UBE2L3: variants seen among roughly 807,000 people sequenced by gnomAD.
UBE2L3 encodes ubiquitin-conjugating enzyme E2 L3.
Under a neutral mutation model 17.8 loss-of-function variants are expected in UBE2L3, and 1 was observed. That is an observed-to-expected ratio of 0.06 (90% CI 0.02 to 0.27). UBE2L3 has a LOEUF of 0.27. UBE2L3 is among the 10% of genes least tolerant of loss of function. The pLI, the probability that UBE2L3 is intolerant of heterozygous loss-of-function variation, is 1.00. For synonymous variants in UBE2L3, 44 were observed against 68.5 expected (o/e 0.64, Z 1.76); for missense variants, 40 against 192.6 (o/e 0.21, Z 4.69).
At chr22:21,586,451 G>T (rs1927939546) in intron 1 of UBE2L3, among the ~76,000 whole-genome samples, 1 of 151,952 alleles carries the variant, frequency 6.6e-6, no homozygotes, top group South Asian at 2.1e-4. Context: ...TGTATTTTTA[G>T]TAGAGATGAG....
intron 2 of UBE2L3, among the ~76,000 whole-genome samples, chr22:21,605,460 A>G (rs1929106674): frequency 6.6e-6 from 1 of 151,836 alleles, no homozygotes; most frequent in Admixed American, 6.6e-5. Context: ...CTCGTGATCC[A>G]CCTGCCTCGG....
At chr22:21,618,887 C>G (rs1356850902) in intron 3 of UBE2L3, among the ~76,000 whole-genome samples, 6 of 152,150 alleles carry the variant, frequency 3.9e-5, no homozygotes, top group African/African-American at 9.7e-5. Flanking sequence ...CCACCAACCT[C>G]TGCATTAGTT....
intron 2 of UBE2L3, among the ~76,000 whole-genome samples, chr22:21,602,048 G>A (rs1928896714): frequency 6.6e-6 from 1 of 152,036 alleles, no homozygotes; most frequent in African/African-American, 2.4e-5. Flanking sequence ...CTCTTAACAG[G>A]GGACTGGACT....
chr22:21,618,391 C>G (rs938823668), intron 3 of UBE2L3, among the ~76,000 whole-genome samples: 1 of 151,428 alleles, frequency 6.6e-6, no homozygotes, highest in African/African-American at 2.4e-5. Flanking sequence ...GGTGAAACCC[C>G]GTCTCTACTA....
intron 1 of UBE2L3, among the ~76,000 whole-genome samples, chr22:21,556,786 G>A (rs1406693520): frequency 1.4e-4 from 22 of 152,238 alleles, no homozygotes; most frequent in Admixed American, 1.3e-3. Context: ...TAGGCTGGGC[G>A]CAGTGGCCCA....
chr22:21,587,347 T>C (rs1266147846), intron 1 of UBE2L3, among the ~76,000 whole-genome samples: 1 of 152,078 alleles, frequency 6.6e-6, no homozygotes, highest in East Asian at 1.9e-4. Context: ...GGCGCCACCA[T>C]GTCCACCTAA....
intron 1 of UBE2L3, among the ~76,000 whole-genome samples, chr22:21,587,039 C>G (rs1174688041): frequency 6.6e-6 from 1 of 151,680 alleles, no homozygotes; most frequent in Non-Finnish European, 1.5e-5. Flanking sequence ...GCATGCACCC[C>G]TATGCCTGGC....
intron 3 of UBE2L3, among the ~76,000 whole-genome samples, chr22:21,613,582 TGAC>T (rs1488253085): frequency 6.6e-6 from 1 of 152,212 alleles, no homozygotes; most frequent in Non-Finnish European, 1.5e-5. Flanking sequence ...TCCTTGCACT[TGAC>T]GGCCACATTC....
intron 1 of UBE2L3, among the ~76,000 whole-genome samples, chr22:21,571,710 T>A (rs1434764309): frequency 1.3e-5 from 2 of 152,204 alleles, no homozygotes; most frequent in Non-Finnish European, 2.9e-5. Context: ...CCTAATGCTA[T>A]TTAAAAATGT....
intron 3 of UBE2L3, among the ~76,000 whole-genome samples, chr22:21,612,638 CTTTTCTTTT>C (rs1382873548): frequency 3.8e-3 from 231 of 60,434 alleles, no homozygotes; most frequent in African/African-American, 0.013. Flanking sequence ...TTTTTCTTTT[CTTTTCTTTT>C]TTTTTTTTTT....
intron 2 of UBE2L3, among the ~76,000 whole-genome samples, chr22:21,603,907 ATT>A (rs144747629): frequency 0.016 from 1,812 of 111,270 alleles, 9 homozygotes; most frequent in South Asian, 0.028. Flanking sequence ...GTGTTTTTTG[ATT>A]TTTTTTTTTT....
intron 2 of UBE2L3, 59 bp from the exon 3 acceptor site, chr22:21,610,798 G>C: frequency 6.9e-7 from 1 of 1,456,758 alleles, no homozygotes; most frequent in Non-Finnish European, 9.1e-7. Context: ...AAACATTCCT[G>C]TCTTGGCCAT....
intron 2 of UBE2L3, among the ~76,000 whole-genome samples, chr22:21,609,091 G>T (rs1336951349): frequency 2.0e-5 from 3 of 151,634 alleles, no homozygotes; most frequent in African/African-American, 7.3e-5. Flanking sequence ...TAGAGACGGG[G>T]TTTCACTGTG....
intron 1 of UBE2L3, among the ~76,000 whole-genome samples, chr22:21,591,701 C>T (rs1288532788): frequency 6.6e-6 from 1 of 152,174 alleles, no homozygotes; most frequent in Non-Finnish European, 1.5e-5. Flanking sequence ...AGCCCCCAAG[C>T]CACTGTGAGT....
At chr22:21,597,947 G>A (rs1486661024) in intron 2 of UBE2L3, among the ~76,000 whole-genome samples, 1 of 146,554 alleles carries the variant, frequency 6.8e-6, no homozygotes, top group Non-Finnish European at 1.5e-5. Context: ...GAGCCACCAC[G>A]CCCAGCTAAT....
upstream of UBE2L3, among the ~76,000 whole-genome samples, chr22:21,566,427 T>TA (rs912970372): frequency 4.0e-5 from 6 of 150,714 alleles, no homozygotes; most frequent in African/African-American, 9.7e-5. Context: ...CTACAAAAAA[T>TA]AAAAAAAAAC....
chr22:21,564,105 G>T (rs1054260616), upstream of UBE2L3, among the ~76,000 whole-genome samples: 1 of 149,756 alleles, frequency 6.7e-6, no homozygotes, highest in African/African-American at 2.5e-5. Flanking sequence ...GCACGATCAC[G>T]GCTCACTGTA....
At position 21,567,778 on chromosome 22, in the gene UBE2L3, G is replaced by A; in HGVS notation, c.27+7G>A. ...CAGCAGGAGGCTGATGAAGGTAAAA[G>A]CCATTCTCTGGCAGCGGCCGGGCGT... On this transcript the variant is annotated splice_region_variant and intron_variant, in intron 1 of 3. Transcript: ENST00000342192. 1 of 1,580,828 alleles carries A rather than the reference G, an allele frequency of 6.3e-7. No homozygotes were observed. The highest frequency in any genetic ancestry group is 1.2e-5 in the South Asian group (1 of 86,092).
rs554750821 is a variant in UBE2L3 at position 21,613,768 on chromosome 22, A to G, written c.310+2725A>G. On this transcript the variant is annotated intron_variant, in intron 3 of 3. Coordinates refer to ENST00000342192, the MANE Select transcript of UBE2L3 (RefSeq NM_003347.4). ...GCAGCTGTATTGAGGTGGGAACTCA[A>G]CTTGGCTGGGAAGAGCTGGTAGGCA... Among the ~76,000 whole-genome samples, 10 of 152,172 alleles carry G rather than the reference A, an allele frequency of 6.6e-5. No homozygotes were observed. In the South Asian group the frequency reaches 1.4e-3, roughly 22 times the overall value.
Sources: gnomAD v4.1 joint callset for allele counts (sites outside exome capture counted in the v4.1 genomes callset) on GRCh38, gnomAD v4.1.1 for gene constraint, MANE v1.5 for transcripts, NCBI Gene and HGNC (gene_info 2026-07-23, HGNC 2026-07-21) for gene names.